MAPK6: variants seen among roughly 807,000 people sequenced by gnomAD.
The protein encoded by MAPK6 is mitogen-activated protein kinase 6, also known as ERK-3.
In MAPK6, 19 loss-of-function variants were observed where a neutral mutation model predicts 59.3. The ratio of observed to expected loss-of-function variants is 0.32; its 90% CI spans 0.22 to 0.47. The LOEUF is 0.47. Ranked by LOEUF, MAPK6 falls within the 20% of genes least tolerant of loss-of-function variation. The pLI is 1.00. For missense variants in MAPK6, 724 were observed against 847.9 expected (o/e 0.85, Z 1.81); for synonymous variants, 316 against 290.3 (o/e 1.09, Z -0.90).
intron 1 of MAPK6, among the ~76,000 whole-genome samples, chr15:52,029,514 T>C (rs993411415): frequency 6.6e-6 from 1 of 152,206 alleles, no homozygotes; most frequent in East Asian, 1.9e-4. Context: ...TTAGACTTCT[T>C]GCCTGAGCTC....
intron 1 of MAPK6, among the ~76,000 whole-genome samples, chr15:52,039,422 A>T (rs1331022420): frequency 1.3e-5 from 2 of 152,192 alleles, no homozygotes; most frequent in African/African-American, 4.8e-5. Context: ...CCAAAGGCAA[A>T]TGAAAGCCCC....
At chr15:52,063,320 T>C (rs1015710833) in intron 5 of MAPK6, among the ~76,000 whole-genome samples, 1 of 152,220 alleles carries the variant, frequency 6.6e-6, no homozygotes, top group Non-Finnish European at 1.5e-5. Flanking sequence ...ACCTTGGCCT[T>C]CTTGAAGTGC....
chr15:52,002,893 T>C (rs1418843669), intron 2 of MAPK6, among the ~76,000 whole-genome samples: 1 of 152,068 alleles, frequency 6.6e-6, no homozygotes, highest in African/African-American at 2.4e-5. Context: ...CAAACACTTA[T>C]AAAACCATCA....
In MAPK6 at chr15:52,067,226, T is replaced by G. The variant is rs2032446677; in HGVS notation, c.*2226T>G. The G allele has an allele frequency of 6.6e-6, 1 of 152,196 alleles. No individual in the cohort carries two copies. The highest frequency in any genetic ancestry group is 2.1e-4 in the South Asian group (1 of 4,830). 9.4% of individuals were successfully genotyped at this position (152,196 alleles called of 1,614,324 possible). ...TGGCCATCTACACAATGATCTGACT[T>G]GTTGGCATTAAAAAGTCCAAACATA... is the stretch of plus-strand genomic sequence containing the variant. On this transcript the variant is annotated 3_prime_UTR_variant, in exon 6 of 6. Transcript: ENST00000261845.
chr15:52,034,281 G>C (rs1002431453), intron 1 of MAPK6, among the ~76,000 whole-genome samples: 16 of 151,426 alleles, frequency 1.1e-4, no homozygotes, highest in Admixed American at 1.1e-3. Flanking sequence ...CACCATGCCC[G>C]GACTCCTGGT....
rs2032368009 is a variant in MAPK6, at chr15:52,065,201, C to T, written c.*201C>T. ...TTTTAACTGGCATGTCATTTGCACA[C>T]AAAAATAAAGACTAGAGCAAAATAA... On this transcript the variant is annotated 3_prime_UTR_variant, in exon 6 of 6. Transcript: ENST00000261845. 3 of 500,734 alleles carry T rather than the reference C, an allele frequency of 6.0e-6. No individual in the cohort carries two copies. Among genetic ancestry groups the T allele is most frequent in the Admixed American group, 7.5e-5 (2 of 26,524 alleles). The allele number at this position is 500,734 out of a possible 1,614,324, so 31.0% of individuals were successfully genotyped here.
At chr15:52,062,292 G>T (rs376320763) in intron 5 of MAPK6, among the ~76,000 whole-genome samples, 5 of 151,984 alleles carry the variant, frequency 3.3e-5, no homozygotes, top group East Asian at 3.9e-4. Flanking sequence ...CTCCCACAGT[G>T]CTGAAATTAT....
intron 1 of MAPK6, among the ~76,000 whole-genome samples, chr15:52,038,172 T>C (rs988316638): frequency 3.3e-5 from 4 of 122,848 alleles, no homozygotes; most frequent in African/African-American, 1.2e-4. Flanking sequence ...AAAAAAAAAA[T>C]TGACCTCTGC....
chr15:52,038,177 C>G (rs970394575), intron 1 of MAPK6, among the ~76,000 whole-genome samples: 2 of 150,752 alleles, frequency 1.3e-5, no homozygotes, highest in African/African-American at 4.9e-5. Context: ...AAAAATTGAC[C>G]TCTGCTATAG....
chr15:52,042,393 C>T (rs2031451662), intron 1 of MAPK6, among the ~76,000 whole-genome samples: 1 of 152,204 alleles, frequency 6.6e-6, no homozygotes, highest in Non-Finnish European at 1.5e-5. Flanking sequence ...CTCTGCAGTT[C>T]TCAGTGTAGG....
chr15:51,981,269 C>A (rs1419223166), intron 1 of MAPK6, among the ~76,000 whole-genome samples: 2 of 151,716 alleles, frequency 1.3e-5, no homozygotes, highest in South Asian at 4.1e-4. Flanking sequence ...GTCAGGAGAT[C>A]AAGACCATCC....
intron 1 of MAPK6, among the ~76,000 whole-genome samples, chr15:52,030,720 AG>A (rs2030996955): frequency 1.5e-5 from 2 of 137,230 alleles, no homozygotes; most frequent in South Asian, 4.8e-4. Context: ...TGCGCTTCCC[AG>A]GTTCAAGGGA....
chr15:52,011,057 G>C (rs1403375914), intron 3 of MAPK6: 1 of 152,080 alleles, frequency 6.6e-6, no homozygotes, highest in Admixed American at 6.5e-5. Flanking sequence ...TTGTAACCTC[G>C]AAGTAGTCAT....
rs765698138 is a variant in MAPK6, at chr15:51,974,658, CAAA to C, written c.-880+2773_-880+2775del. On this transcript the variant is annotated intron_variant, in intron 1 of 7. Transcript: ENST00000691380. ...TGGGAGACAGAGCGAGACTCCGTCT[CAAA>C]AAAAAAAAAAAAAAAAAAAAGATGA... 4.9e-4 allele frequency among the ~76,000 whole-genome samples: 16 copies of C among 32,980 alleles called. No homozygotes were observed. In the East Asian group the frequency reaches 0.014, roughly 28 times the overall value. 21.6% of individuals were successfully genotyped at this position (32,980 alleles called of 152,430 possible).
chr15:52,006,315 A>C (rs1327010635), intron 3 of MAPK6, among the ~76,000 whole-genome samples: 1 of 152,224 alleles, frequency 6.6e-6, no homozygotes, highest in African/African-American at 2.4e-5. Context: ...AACCGTAAAA[A>C]AGAGTCTAGT....
upstream of MAPK6, among the ~76,000 whole-genome samples, chr15:52,016,901 G>C (rs550453253): frequency 1.3e-4 from 20 of 152,204 alleles, no homozygotes; most frequent in South Asian, 4.2e-3. Flanking sequence ...AAAATCAGCT[G>C]GGTGTGCTGG....
intron 5 of MAPK6, among the ~76,000 whole-genome samples, chr15:52,063,415 C>T (rs995370915): frequency 2.0e-5 from 3 of 152,180 alleles, no homozygotes; most frequent in Non-Finnish European, 4.4e-5. Context: ...TCTTTTCCCT[C>T]AATGATTATA....
At chr15:51,975,164 C>T (rs1220075961) in intron 1 of MAPK6, among the ~76,000 whole-genome samples, 2 of 151,774 alleles carry the variant, frequency 1.3e-5, no homozygotes, top group Non-Finnish European at 1.5e-5. Flanking sequence ...CCATAGAACC[C>T]GAAGAACAAA....
At chr15:52,020,818 A>G (rs1006706466) in intron 1 of MAPK6, among the ~76,000 whole-genome samples, 2 of 152,238 alleles carry the variant, frequency 1.3e-5, no homozygotes, top group African/African-American at 4.8e-5. Context: ...AGGGATTGTA[A>G]AGTCATTTCA....
Sources: gnomAD v4.1 joint callset for allele counts (sites outside exome capture counted in the v4.1 genomes callset) on GRCh38, gnomAD v4.1.1 for gene constraint, MANE v1.5 for transcripts, NCBI Gene and HGNC (gene_info 2026-07-23, HGNC 2026-07-21) for gene names.